Variants in BCAS3 observed in about 807,000 individuals in gnomAD.
BCAS3 encodes BCAS4/BCAS3 fusion.
In BCAS3, 53 loss-of-function variants were observed where a neutral mutation model predicts 116.1. The ratio of observed to expected loss-of-function variants is 0.46; its 90% CI spans 0.37 to 0.57. The LOEUF is 0.57. Among genes scored for constraint, BCAS3 ranks in the 20% least tolerant of loss-of-function variants. BCAS3 has a pLI of 0.00. For missense variants in BCAS3, 917 were observed against 1,165.4 expected (o/e 0.79, Z 3.10); for synonymous variants, 391 against 408.2 (o/e 0.96, Z 0.51).
rs2048252447 is a variant in BCAS3 at position 61,249,988 on chromosome 17, A to G, written c.2426-118339A>G. Among the ~76,000 whole-genome samples, 1 of 151,962 alleles carries G rather than the reference A, an allele frequency of 6.6e-6. No homozygotes were observed. The highest frequency in any genetic ancestry group is 1.5e-5 in the Non-Finnish European group (1 of 68,024). ...GCAGGCTTAAAGAGGATCAGAAAAC[A>G]AGATACCAAATAAGAGCAGCCATTG... is the stretch of plus-strand genomic sequence containing the variant. On this transcript the variant is annotated intron_variant, in intron 22 of 23. Transcript: ENST00000407086. The surrounding 1 kb of genome is among the most constrained non-coding windows in gnomAD (Gnocchi z 6.2).
chr17:61,292,225 G>T (rs1049459192), intron 22 of BCAS3, among the ~76,000 whole-genome samples: 1 of 152,090 alleles, frequency 6.6e-6, no homozygotes, highest in Admixed American at 6.6e-5. Context: ...CTTTAGATGA[G>T]TTCCAACCCC....
At chr17:61,116,393 T>G (rs1399505200) in intron 22 of BCAS3, among the ~76,000 whole-genome samples, 1 of 152,144 alleles carries the variant, frequency 6.6e-6, no homozygotes, top group Non-Finnish European at 1.5e-5. Context: ...CCAATTTGAG[T>G]GTAGCCCTTC....
chr17:61,071,766 A>G (rs1372643187), intron 19 of BCAS3, among the ~76,000 whole-genome samples: 1 of 152,216 alleles, frequency 6.6e-6, no homozygotes, highest in Non-Finnish European at 1.5e-5. Context: ...ATCTAGTTGT[A>G]TGTTTAACAC....
chr17:60,807,441 G>C (rs1412970301), intron 6 of BCAS3, among the ~76,000 whole-genome samples: 1 of 152,038 alleles, frequency 6.6e-6, no homozygotes, highest in African/African-American at 2.4e-5. Context: ...TGATCTCATG[G>C]GGAAGGTGTA....
intron 22 of BCAS3, chr17:61,086,638 T>G (rs1183561004): frequency 3.7e-5 from 36 of 974,582 alleles, no homozygotes; most frequent in Admixed American, 1.2e-4. Flanking sequence ...TGCCTGAAAG[T>G]ACCCATCTTT....
At chr17:60,684,429 C>A (rs1396783519) in intron 3 of BCAS3, among the ~76,000 whole-genome samples, 2 of 152,134 alleles carry the variant, frequency 1.3e-5, no homozygotes, top group African/African-American at 4.8e-5. Context: ...AAATCTACAT[C>A]TCTTTTATAT....
intron 10 of BCAS3, chr17:60,899,800 AT>A (rs530466181): frequency 3.3e-3 from 475 of 144,940 alleles, no homozygotes; most frequent in African/African-American, 3.7e-3. Flanking sequence ...CAGGCCCCTG[AT>A]TTTTTTTTTT....
intron 11 of BCAS3, among the ~76,000 whole-genome samples, chr17:60,909,751 CAG>C (rs1037992646): frequency 6.6e-6 from 1 of 152,024 alleles, no homozygotes; most frequent in Non-Finnish European, 1.5e-5. Context: ...TGAAGATAAT[CAG>C]AGGATATTCA....
Position 60,790,130 on chromosome 17 carries a change from T to C in BCAS3, c.404-17874T>C, listed in dbSNP as rs531610441. ...TTTAAAATTTTAGCTTCTTTGATTATCCATAAACTTTATAAATTTTTAGTA... is the reference window on the plus strand; with the variant it reads ...TTTAAAATTTTAGCTTCTTTGATTACCCATAAACTTTATAAATTTTTAGTA... On this transcript the variant is annotated intron_variant, in intron 6 of 23. Transcript: ENST00000407086. Among the ~76,000 whole-genome samples, 3 of 152,320 alleles carry C rather than the reference T, an allele frequency of 2.0e-5. No homozygotes were observed. The East Asian group carries it at 5.8e-4, about 29-fold the overall frequency.
At chr17:60,698,007 G>C (rs1010538437) in intron 4 of BCAS3, among the ~76,000 whole-genome samples, 1 of 151,632 alleles carries the variant, frequency 6.6e-6, no homozygotes, top group African/African-American at 2.4e-5. Flanking sequence ...GTAAAACCCC[G>C]TCTCTACTAA....
chr17:61,001,403 A>G (rs1387974700), intron 15 of BCAS3, among the ~76,000 whole-genome samples: 4 of 152,196 alleles, frequency 2.6e-5, no homozygotes, highest in Non-Finnish European at 1.5e-5. Context: ...GATACAGACC[A>G]CATCACAATT....
At chr17:61,154,649 C>T (rs879116072) in intron 22 of BCAS3, among the ~76,000 whole-genome samples, 1 of 151,966 alleles carries the variant, frequency 6.6e-6, no homozygotes, top group Admixed American at 6.6e-5. Flanking sequence ...CTCTACATTG[C>T]CCAGGCTGGT....
At chr17:61,142,228 A>T (rs944969547) in intron 22 of BCAS3, among the ~76,000 whole-genome samples, 1 of 152,212 alleles carries the variant, frequency 6.6e-6, no homozygotes, top group African/African-American at 2.4e-5. Context: ...ACAAAGACTT[A>T]AAAAGGTTAT....
Position 61,173,814 on chromosome 17 carries a change from G to C in BCAS3, c.2425+89250G>C, listed in dbSNP as rs1163223939. 2.0e-5 allele frequency among the ~76,000 whole-genome samples: 3 copies of C among 152,086 alleles called. 1 individual carries two copies. The highest frequency in any genetic ancestry group is 4.1e-4 in the South Asian group (2 of 4,820). ...GGGGATGACTTGAGCCCAGTGGTTG[G>C]AGGTCACAGTGAGCTATGATCATGC... On this transcript the variant is annotated intron_variant, in intron 22 of 23. Transcript: ENST00000407086.
intron 22 of BCAS3, among the ~76,000 whole-genome samples, chr17:61,322,265 C>A (rs1318324815): frequency 1.3e-5 from 2 of 152,162 alleles, no homozygotes; most frequent in African/African-American, 4.8e-5. Context: ...TATTGGGAGG[C>A]GTGAGTGACC....
chr17:61,286,986 C>T lies in BCAS3; in HGVS notation c.2426-81341C>T, dbSNP rs1394081234. Among the ~76,000 whole-genome samples the T allele has an allele frequency of 6.6e-5, 10 of 152,148 alleles. No homozygotes were observed. The highest frequency in any genetic ancestry group is 1.9e-4 in the African/African-American group (8 of 41,424). On this transcript the variant is annotated intron_variant, in intron 22 of 23. Transcript: ENST00000407086. This position sits in a 1 kb window ranked among gnomAD's most constrained non-coding sequence, Gnocchi z 4.8. ...TATGGAGGCCAGGCGTGGTGGCTCG[C>T]GCCTGTAATCCCAGCACTTTGGGAG...
At chr17:60,874,768 G>T in intron 9 of BCAS3, 30 bp downstream of exon 9, 1 of 1,483,098 alleles carries the variant, frequency 6.7e-7, no homozygotes. Context: ...CCCTTCTTAT[G>T]CCTTTGGGTT....
intron 5 of BCAS3, among the ~76,000 whole-genome samples, chr17:60,715,649 G>A (rs1416611763): frequency 3.3e-5 from 5 of 150,680 alleles, no homozygotes; most frequent in Middle Eastern, 3.6e-3. Flanking sequence ...CCCCATGTCC[G>A]GTTAATTTTT....
At chr17:60,680,096 T>C (rs1265290892) in intron 2 of BCAS3, among the ~76,000 whole-genome samples, 2 of 135,074 alleles carry the variant, frequency 1.5e-5, no homozygotes, top group African/African-American at 5.7e-5. Context: ...ATCGCGCCAC[T>C]GCACCCTAGC....
Sources: allele counts gnomAD v4.1 joint callset (sites outside exome capture counted in the v4.1 genomes callset), GRCh38; gene constraint gnomAD v4.1.1; non-coding constraint Gnocchi (gnomAD v3.1); transcripts MANE v1.5; gene names NCBI Gene and HGNC (gene_info 2026-07-23, HGNC 2026-07-21).